STARD13: variants seen among roughly 807,000 people sequenced by gnomAD.
STARD13 encodes the protein stAR-related lipid transfer protein 13.
In STARD13, 62 loss-of-function variants were observed where a neutral mutation model predicts 106.4. The observed-to-expected ratio is 0.58, with a 90% CI of 0.48 to 0.72. The LOEUF is 0.72. Among genes scored for constraint, STARD13 ranks in the 30% least tolerant of loss-of-function variants. The pLI is 0.00. For synonymous variants in STARD13, 565 were observed against 553.0 expected (o/e 1.02, Z -0.31); for missense variants, 1,387 against 1,424.0 (o/e 0.97, Z 0.42).
At chr13:33,408,103 T>A in the STARD13 span, among the ~76,000 whole-genome samples, 1 of 152,184 alleles carries the variant, frequency 6.6e-6, no homozygotes, top group African/African-American at 2.4e-5. Flanking sequence ...TGTGTGTTAG[T>A]AGTATGCAGG....
chr13:33,643,159 G>GCACGCACA, the STARD13 span, among the ~76,000 whole-genome samples: 5 of 139,714 alleles, frequency 3.6e-5, no homozygotes, highest in African/African-American at 1.3e-4. Flanking sequence ...CATAGAACAT[G>GCACGCACA]CACACACACA....
intron 7 of STARD13, 63 bp from the exon 8 acceptor site, chr13:33,118,326 G>A: frequency 1.5e-5 from 21 of 1,396,880 alleles, no homozygotes; most frequent in Non-Finnish European, 2.1e-5. Context: ...GGAGGAGGAA[G>A]CATGGGAAGG....
chr13:33,122,577 C>G (rs990408753), intron 7 of STARD13, among the ~76,000 whole-genome samples: 10 of 152,218 alleles, frequency 6.6e-5, no homozygotes, highest in Non-Finnish European at 1.5e-5. Flanking sequence ...AAAGCTCAGC[C>G]CAGCCACCCT....
At chr13:33,593,051 A>G in the STARD13 span, among the ~76,000 whole-genome samples, 1 of 152,236 alleles carries the variant, frequency 6.6e-6, no homozygotes, top group African/African-American at 2.4e-5. Flanking sequence ...CCATGGGTGC[A>G]CTAGGTCAAT....
chr13:33,629,184 T>C, the STARD13 span, among the ~76,000 whole-genome samples: 62 of 152,328 alleles, frequency 4.1e-4, no homozygotes, highest in East Asian at 0.01. Flanking sequence ...CCAAACGCCA[T>C]AGGAAAGCAG....
intron 1 of STARD13, among the ~76,000 whole-genome samples, chr13:33,255,734 C>T (rs1890329570): frequency 6.6e-6 from 1 of 152,274 alleles, no homozygotes; most frequent in African/African-American, 2.4e-5. Context: ...ATTTCTGCCA[C>T]ACTCCCTCCA....
At chr13:33,400,606 G>A in the STARD13 span, among the ~76,000 whole-genome samples, 2 of 151,908 alleles carry the variant, frequency 1.3e-5, no homozygotes, top group East Asian at 1.9e-4. Context: ...GACTACAGGC[G>A]CCCGCCACCA....
chr13:33,364,888 C>CAAA, the STARD13 span, among the ~76,000 whole-genome samples: 3 of 149,868 alleles, frequency 2.0e-5, no homozygotes, highest in African/African-American at 7.4e-5. Context: ...GACTCCGTCT[C>CAAA]AAAAAAAAAG....
chr13:33,568,932 T>G, the STARD13 span, among the ~76,000 whole-genome samples: 2 of 147,934 alleles, frequency 1.4e-5, no homozygotes, highest in Non-Finnish European at 3.0e-5. Context: ...TATAGAAAAC[T>G]TATACTTTTT....
intron 1 of STARD13, among the ~76,000 whole-genome samples, chr13:33,310,469 C>T (rs913221425): frequency 6.6e-6 from 1 of 152,016 alleles, no homozygotes; most frequent in Non-Finnish European, 1.5e-5. Context: ...GGCAACTGAG[C>T]AGGAAGGTTA....
the STARD13 span, among the ~76,000 whole-genome samples, chr13:33,479,850 A>T: frequency 3.3e-5 from 5 of 152,094 alleles, no homozygotes; most frequent in African/African-American, 1.2e-4. Context: ...GCTATGTGAG[A>T]TGCCTGCTCC....
the STARD13 span, among the ~76,000 whole-genome samples, chr13:33,419,042 C>T: frequency 2.1e-3 from 323 of 152,256 alleles, no homozygotes; most frequent in African/African-American, 7.3e-3. Context: ...ATTCTGAAAA[C>T]CAGAGTGCAT....
At chr13:33,316,264 T>C (rs1313124518) in intron 1 of STARD13, among the ~76,000 whole-genome samples, 1 of 151,854 alleles carries the variant, frequency 6.6e-6, no homozygotes, top group Non-Finnish European at 1.5e-5. Flanking sequence ...TCACTTCTTC[T>C]TTACCAAAAA....
intron 4 of STARD13, among the ~76,000 whole-genome samples, chr13:33,136,639 C>T (rs1437739374): frequency 1.3e-5 from 2 of 152,222 alleles, no homozygotes; most frequent in Non-Finnish European, 2.9e-5. Flanking sequence ...TCAGCAGGCA[C>T]TCCCCCATTC....
intron 13 of STARD13, 108 bp from the exon 14 acceptor site, chr13:33,105,818 CA>C: frequency 3.4e-6 from 3 of 894,064 alleles, no homozygotes; most frequent in Non-Finnish European, 5.6e-6. Context: ...AGTGAACCTG[CA>C]GACAGCTCGG....
intron 1 of STARD13, among the ~76,000 whole-genome samples, chr13:33,195,889 G>A (rs890034556): frequency 3.3e-5 from 5 of 152,124 alleles, no homozygotes; most frequent in African/African-American, 7.2e-5. Context: ...AAGGGTGGTC[G>A]TGAGGATGAA....
chr13:33,429,607 T>G, the STARD13 span, among the ~76,000 whole-genome samples: 1 of 152,066 alleles, frequency 6.6e-6, no homozygotes, highest in Non-Finnish European at 1.5e-5. Context: ...ACCCTGCCAT[T>G]TGCAACAACA....
intron 1 of STARD13, among the ~76,000 whole-genome samples, chr13:33,204,794 AT>A (rs1887297565): frequency 6.6e-6 from 1 of 152,212 alleles, no homozygotes; most frequent in Admixed American, 6.5e-5. Context: ...GCCTGTGGCC[AT>A]TTTCCCACAC....
chr13:33,541,040 T>C, the STARD13 span, among the ~76,000 whole-genome samples: 4 of 152,194 alleles, frequency 2.6e-5, no homozygotes. Flanking sequence ...TGCCACTATT[T>C]CTGAATATAT....
Sources: gnomAD v4.1 joint callset for allele counts (sites outside exome capture counted in the v4.1 genomes callset) on GRCh38, gnomAD v4.1.1 for gene constraint, MANE v1.5 for transcripts, NCBI Gene and HGNC (gene_info 2026-07-23, HGNC 2026-07-21) for gene names.